AGBL1: variants seen among roughly 807,000 people sequenced by gnomAD.
AGBL1 encodes cytosolic carboxypeptidase 4.
AGBL1 carries 130 observed loss-of-function variants against 118.9 expected under a neutral mutation model. The observed-to-expected ratio is 1.09, with a 90% CI of 0.95 to 1.26. The LOEUF is 1.26. AGBL1 is among the 50% of genes most tolerant of loss of function. The pLI is 0.00. For missense variants in AGBL1, 1,584 were observed against 1,298.1 expected, an observed-to-expected ratio of 1.22 and a Z score of -3.38; for synonymous variants, 555 against 478.9, an observed-to-expected ratio of 1.16 and a Z score of -2.08.
chr15:86,829,416 C>A (rs1177704068), intron 22 of AGBL1, among the ~76,000 whole-genome samples: 1 of 152,114 alleles, frequency 6.6e-6, no homozygotes. Context: ...CCCTGTAAAT[C>A]TGATGGTGTC....
intron 18 of AGBL1, among the ~76,000 whole-genome samples, chr15:86,486,254 C>G (rs747337685): frequency 6.6e-6 from 1 of 152,050 alleles, no homozygotes; most frequent in East Asian, 1.9e-4. Flanking sequence ...ATTTAGCTCT[C>G]GATTTCTTGG....
intron 21 of AGBL1, among the ~76,000 whole-genome samples, chr15:86,570,856 G>C (rs1027784847): frequency 2.6e-5 from 4 of 152,108 alleles, no homozygotes; most frequent in African/African-American, 9.7e-5. Flanking sequence ...CCGCTCACTC[G>C]ACCTGGCAGG....
chr15:86,473,528 A>T (rs967336997), intron 18 of AGBL1, among the ~76,000 whole-genome samples: 1 of 152,120 alleles, frequency 6.6e-6, no homozygotes, highest in Non-Finnish European at 1.5e-5. Context: ...TTCTATGTGT[A>T]TGTAGTGTGT....
intron 24 of AGBL1, among the ~76,000 whole-genome samples, chr15:87,021,879 G>A (rs1235617363): frequency 6.6e-6 from 1 of 152,132 alleles, no homozygotes; most frequent in African/African-American, 2.4e-5. Context: ...GACCCCTGAA[G>A]GAAGCGGATT....
At chr15:86,743,523 T>G (rs1357320460) in intron 22 of AGBL1, among the ~76,000 whole-genome samples, 2 of 152,088 alleles carry the variant, frequency 1.3e-5, no homozygotes, top group Non-Finnish European at 2.9e-5. Flanking sequence ...GTGGCCATAG[T>G]GCATGTGGGA....
chr15:86,433,968 T>G (rs1016485559), intron 18 of AGBL1, among the ~76,000 whole-genome samples: 2 of 152,220 alleles, frequency 1.3e-5, no homozygotes, highest in Non-Finnish European at 2.9e-5. Flanking sequence ...CCTGACTATA[T>G]TCTACCATCC....
At chr15:86,438,052 C>T (rs868722141) in intron 18 of AGBL1, among the ~76,000 whole-genome samples, 8 of 152,028 alleles carry the variant, frequency 5.3e-5, no homozygotes, top group South Asian at 2.1e-4. Flanking sequence ...ATTACAGATG[C>T]GTGCCACCAT....
At chr15:86,634,507 A>T (rs1198941546) in intron 21 of AGBL1, among the ~76,000 whole-genome samples, 2 of 152,114 alleles carry the variant, frequency 1.3e-5, no homozygotes, top group Non-Finnish European at 2.9e-5. Flanking sequence ...AGAACAGGAA[A>T]ATCTATATAG....
intron 1 of AGBL1, among the ~76,000 whole-genome samples, chr15:86,119,180 G>A (rs1481611551): frequency 1.3e-5 from 2 of 152,184 alleles, no homozygotes; most frequent in African/African-American, 4.8e-5. Flanking sequence ...TCTGGGTTTA[G>A]TAAAGCTAAT....
chr15:86,727,343 C>T (rs772717173), intron 22 of AGBL1, among the ~76,000 whole-genome samples: 11 of 152,104 alleles, frequency 7.2e-5, no homozygotes, highest in African/African-American at 1.4e-4. Flanking sequence ...TGAGATGTGA[C>T]GCGATCACAC....
chr15:86,491,419 T>G (rs1000172618), intron 18 of AGBL1, among the ~76,000 whole-genome samples: 1 of 152,144 alleles, frequency 6.6e-6, no homozygotes, highest in Non-Finnish European at 1.5e-5. Context: ...AGGGATCCTT[T>G]CTGACTCTAT....
intron 3 of AGBL1, among the ~76,000 whole-genome samples, chr15:86,150,384 G>A (rs2077091712): frequency 6.6e-6 from 1 of 152,054 alleles, no homozygotes. Flanking sequence ...CCACCAGCAA[G>A]GCTAATGAAG....
At chr15:86,105,109 G>A (rs557960702) in intron 1 of AGBL1, 1 of 152,240 alleles carries the variant, frequency 6.6e-6, no homozygotes, top group African/African-American at 2.4e-5. Flanking sequence ...TGATCTATTC[G>A]AAGTGTAATA....
intron 23 of AGBL1, chr15:86,935,203 G>C (rs931965952): frequency 6.6e-6 from 1 of 152,040 alleles, no homozygotes; most frequent in African/African-American, 2.4e-5. Context: ...GGTGAGTCCC[G>C]TTGTCAGGTC....
intron 22 of AGBL1, among the ~76,000 whole-genome samples, chr15:86,813,093 GA>G (rs1313374745): frequency 7.9e-5 from 12 of 152,106 alleles, no homozygotes; most frequent in African/African-American, 2.9e-4. Context: ...AAGAAGGAAG[GA>G]AGATATTCTG....
intron 21 of AGBL1, among the ~76,000 whole-genome samples, chr15:86,561,111 CT>C (rs1476269290): frequency 6.6e-6 from 1 of 152,126 alleles, no homozygotes; most frequent in African/African-American, 2.4e-5. Context: ...ATGGTAGTTT[CT>C]TTTGCTGTGC....
intron 22 of AGBL1, among the ~76,000 whole-genome samples, chr15:86,844,045 A>C (rs1022151016): frequency 6.6e-6 from 1 of 152,172 alleles, no homozygotes; most frequent in African/African-American, 2.4e-5. Context: ...CATCTATCTT[A>C]TAGCATTTAT....
At chr15:86,544,396 A>T (rs2083549217) in intron 19 of AGBL1, among the ~76,000 whole-genome samples, 1 of 152,202 alleles carries the variant, frequency 6.6e-6, no homozygotes, top group Non-Finnish European at 1.5e-5. Flanking sequence ...ATATTTGCTC[A>T]GTCTTATTGA....
rs765604148 is a variant in AGBL1 at position 86,522,843 on chromosome 15, C to G, written c.2589C>G (p.Asn863Lys). 2 of 1,613,716 alleles carry G rather than the reference C, an allele frequency of 1.2e-6. No individual in the cohort carries two copies. Among genetic ancestry groups the G allele is most frequent in the African/African-American group, 1.3e-5 (1 of 75,042 alleles). ...GCTCACTGAGCGGGGAAGATTTGAA[C>G]AGACAATGGCTTTCTCCCAGTGCTC... ...HRCSLSGEDLNRQWLSPSAHL... is the reference protein window; with the variant it reads ...HRCSLSGEDLKRQWLSPSAHL... Residue 863 changes from asparagine (N) to lysine (K), a missense_variant, in exon 19 of 23, where the codon AAC (asparagine) becomes AAG (lysine). Asn to Lys is a moderately conservative substitution (Grantham distance 94). Transcript: ENST00000614907.
Sources: gnomAD v4.1 joint callset for allele counts (sites outside exome capture counted in the v4.1 genomes callset) on GRCh38, gnomAD v4.1.1 for gene constraint, MANE v1.5 for transcripts, NCBI Gene and HGNC (gene_info 2026-07-23, HGNC 2026-07-21) for gene names.